Variants in EP400 observed in about 807,000 individuals in gnomAD.
EP400 encodes the protein E1A binding protein p400.
Under a neutral mutation model 354.1 loss-of-function variants are expected in EP400, and 105 were observed. The ratio of observed to expected loss-of-function variants is 0.30; its 90% confidence interval spans 0.25 to 0.35. EP400 has a LOEUF of 0.35. Among genes scored for constraint, EP400 ranks in the 10% least tolerant of loss-of-function variants. The probability of loss-of-function intolerance (pLI) is 1.00; values close to 1 mark genes in which losing one functional copy is unlikely to be tolerated. For missense variants in EP400, 3,280 were observed against 4,121.0 expected, an observed-to-expected ratio of 0.80 and a Z score of 5.59; for synonymous variants, 1,646 against 1,716.9, an observed-to-expected ratio of 0.96 and a Z score of 1.02.
rs1396659393 is a variant in EP400 at position 131,961,501 on chromosome 12, C to T, written c.882C>T (p.Phe294=). ...CGCCGCTGCCCCGGCCCCTGGGCTTCGAGAGGACACCCGGCGTGCTGCTCC... is the reference window on the plus strand; with the variant it reads ...CGCCGCTGCCCCGGCCCCTGGGCTTTGAGAGGACACCCGGCGTGCTGCTCC... The part of the protein sequence containing the change: ...QGPPLPRPLG[F]ERTPGVLLPG... Residue 294 remains phenylalanine, a synonymous_variant, in exon 2 of 53, where the codon TTC becomes TTT. Transcript: ENST00000389561. 1.2e-5 allele frequency: 19 copies of T among 1,579,372 alleles called. No individual in the cohort carries two copies. Among genetic ancestry groups the T allele is most frequent in the East Asian group, 2.3e-5 (1 of 43,204 alleles).
chr12:132,001,907 AATC>A (rs1013501836), intron 12 of EP400, among the ~76,000 whole-genome samples: 2 of 152,256 alleles, frequency 1.3e-5, no homozygotes, highest in African/African-American at 4.8e-5. Context: ...ATTCGTATAT[AATC>A]ATGTCTATGA....
rs1410469416 is a variant in EP400 at position 132,045,747 on chromosome 12, G to C, written c.7047G>C (p.Glu2349Asp). The C allele has an allele frequency of 3.1e-6, 5 of 1,614,250 alleles. No homozygotes were observed. The highest frequency in any genetic ancestry group is 4.2e-6 in the Non-Finnish European group (5 of 1,180,054). Residue 2349 changes from glutamate to aspartate, a missense_variant, in exon 39 of 53, where the codon GAG (glutamate) becomes GAC (aspartate). Glu to Asp is a conservative substitution (Grantham distance 45). Transcript: ENST00000389561. ...ALLQAVKQLL[E>D]LPLNLTIVSP... is the part of the protein sequence containing the mutation. ...TCTAGGCTGTAAAGCAGTTACTGGA[G>C]CTGCCTTTGAACCTCACAATCGTGT...
Position 132,018,114 on chromosome 12 carries a change from G to A in EP400, c.4111-96G>A. The A allele has an allele frequency of 6.7e-7, 1 of 1,501,854 alleles. No individual in the cohort carries two copies. Among genetic ancestry groups the A allele is most frequent in the Non-Finnish European group, 9.1e-7 (1 of 1,104,468 alleles). 93.0% of individuals were successfully genotyped at this position (1,501,854 alleles called of 1,614,324 possible). The stretch of plus-strand genomic sequence containing the variant: ...GCCGTTAGAGGGGGCGCGTCTGGAT[G>A]CCCACGTTAGGGCCCTGCCATAGAA... On this transcript the variant is annotated intron_variant, in intron 20 of 52. Transcript: ENST00000389561. The surrounding 1 kb of genome is among the most constrained non-coding windows in gnomAD (Gnocchi z 4.0).
intron 1 of EP400, 126 bp from the exon 2 acceptor site, chr12:131,960,459 T>G (rs924195907): frequency 1.0e-6 from 1 of 956,078 alleles, no homozygotes; most frequent in Non-Finnish European, 1.5e-6. Context: ...TGAATGTGAG[T>G]CAGCTCTGTC....
rs967387405 is a variant in EP400, at chr12:132,069,677, G to T, written c.9021+36G>T. The T allele has an allele frequency of 2.5e-6, 4 of 1,610,490 alleles. No homozygotes were observed. In the African/African-American group the frequency reaches 5.3e-5, roughly 21 times the overall value. ...AACAGGGTGAGGGCCCGAGTGTCAG[G>T]AGTGGGTGCCCGGCCTTTGGATTGT... On this transcript the variant is annotated intron_variant, in intron 51 of 52. Transcript: ENST00000389561.
In EP400 at chr12:131,990,783, C is replaced by T. The variant is rs529257887; in HGVS notation, c.2629+69C>T. Reference sequence around the variant, plus strand: ...TTGTTCGGATTCTTTTCTCAGCAGGCAGTCTCCTGGCGCTGTGGCTTCCCA... The same window carrying T: ...TTGTTCGGATTCTTTTCTCAGCAGGTAGTCTCCTGGCGCTGTGGCTTCCCA... On this transcript the variant is annotated intron_variant, in intron 9 of 52. Coordinates refer to ENST00000389561, the MANE Select transcript of EP400 (RefSeq NM_015409.5). This position sits in a 1 kb window ranked among gnomAD's most constrained non-coding sequence, Gnocchi z 4.2. The T allele has an allele frequency of 2.9e-5, 35 of 1,199,268 alleles. No individual in the cohort carries two copies. In the East Asian group the frequency reaches 7.5e-4, roughly 26 times the overall value. 74.3% of individuals were successfully genotyped at this position (1,199,268 alleles called of 1,614,324 possible). A position where few individuals can be genotyped will look rare whatever the true frequency, so the allele number is the denominator to read the frequency against.
chr12:132,044,581 A>G (rs1019805813), intron 35 of EP400, 90 bp from the exon 36 acceptor site: 4 of 1,486,844 alleles, frequency 2.7e-6, no homozygotes, highest in Non-Finnish European at 3.7e-6. Flanking sequence ...CTTATTTGAA[A>G]GACTTAATGA....
At chr12:132,032,466 C>T (rs994922687) in intron 30 of EP400, among the ~76,000 whole-genome samples, 3 of 152,190 alleles carry the variant, frequency 2.0e-5, no homozygotes, top group African/African-American at 7.2e-5. Flanking sequence ...TTGCCATCTT[C>T]AGTTTTTACG....
chr12:132,058,462 C>A (rs986276786), intron 45 of EP400, among the ~76,000 whole-genome samples: 1 of 149,342 alleles, frequency 6.7e-6, no homozygotes, highest in Non-Finnish European at 1.5e-5. Context: ...TCAGGTTATT[C>A]TGCCTCAGCC....
rs1393748705 is a variant in EP400 at position 132,067,541 on chromosome 12, G to T, written c.8874+55G>T. 3.4e-5 allele frequency: 54 copies of T among 1,581,458 alleles called. No individual in the cohort carries two copies. The highest frequency in any genetic ancestry group is 4.5e-5 in the Non-Finnish European group (52 of 1,167,124). On this transcript the variant is annotated intron_variant, in intron 50 of 52. Coordinates refer to ENST00000389561, the MANE Select transcript of EP400 (RefSeq NM_015409.5). This position sits in a 1 kb window ranked among gnomAD's most constrained non-coding sequence, Gnocchi z 5.3. ...GGTCTATGCCAAGCCAAAGCTGGCT[G>T]CTGGAGGAGAGGGTCCTAAGCAGAC...
At chr12:132,046,157 C>A (rs1593371319) in intron 39 of EP400, among the ~76,000 whole-genome samples, 1 of 152,218 alleles carries the variant, frequency 6.6e-6, no homozygotes, top group South Asian at 2.1e-4. Context: ...TGGCAGCAGG[C>A]CTCGTACCTG....
At chr12:131,954,291 A>T (rs1387357147) in intron 1 of EP400, among the ~76,000 whole-genome samples, 2 of 151,878 alleles carry the variant, frequency 1.3e-5, no homozygotes, top group African/African-American at 2.4e-5. Flanking sequence ...GAGTTGAATT[A>T]AAATTAGGGG....
chr12:132,016,844 G>A (rs1893955751), intron 19 of EP400, among the ~76,000 whole-genome samples: 1 of 152,128 alleles, frequency 6.6e-6, no homozygotes, highest in South Asian at 2.1e-4. Flanking sequence ...CGACCAAGTT[G>A]TTTGAGTTGG....
intron 2 of EP400, among the ~76,000 whole-genome samples, chr12:131,970,108 T>C (rs1377121525): frequency 6.6e-6 from 1 of 152,102 alleles, no homozygotes; most frequent in Non-Finnish European, 1.5e-5. Flanking sequence ...ATCAGAAAAT[T>C]TGTTAGTGGG....
intron 15 of EP400, among the ~76,000 whole-genome samples, chr12:132,009,624 A>C (rs1425658439): frequency 6.6e-6 from 1 of 152,176 alleles, no homozygotes; most frequent in Non-Finnish European, 1.5e-5. Flanking sequence ...ATAGAGGCCT[A>C]TCAGGCCCTG....
rs1894986975 is a variant in EP400, at chr12:132,043,631, T to C, written c.6367-14T>C. ...TGCTATTAACCCTATTCAAAAAATA[T>C]ACTTTTGGAACAGCTTACACCAATT... On this transcript the variant is annotated splice_polypyrimidine_tract_variant and intron_variant, in intron 33 of 52. Transcript: ENST00000389561. The C allele has an allele frequency of 1.3e-6, 2 of 1,599,622 alleles. No individual in the cohort carries two copies. Among genetic ancestry groups the C allele is most frequent in the Non-Finnish European group, 1.7e-6 (2 of 1,175,538 alleles).
chr12:132,048,586 G>A (rs985153028), intron 39 of EP400, among the ~76,000 whole-genome samples: 4 of 149,136 alleles, frequency 2.7e-5, no homozygotes, highest in African/African-American at 2.5e-5. Context: ...GCAGTGGCAC[G>A]ATCTCGGCTC....
chr12:132,054,164 C>G lies in EP400; in HGVS notation c.7728+567C>G, dbSNP rs1351688748. Among the ~76,000 whole-genome samples the G allele has an allele frequency of 6.6e-6, 1 of 152,222 alleles. No individual in the cohort carries two copies. Among genetic ancestry groups the G allele is most frequent in the Non-Finnish European group, 1.5e-5 (1 of 68,054 alleles). ...TGTGCGTCCGTGTGCCACACAGACGCTGAAATCATATGCGCAGAATCACAC... is the reference window on the plus strand; with the variant it reads ...TGTGCGTCCGTGTGCCACACAGACGGTGAAATCATATGCGCAGAATCACAC... On this transcript the variant is annotated intron_variant, in intron 43 of 52. Coordinates refer to ENST00000389561, the MANE Select transcript of EP400 (RefSeq NM_015409.5). The surrounding 1 kb of genome is among the most constrained non-coding windows in gnomAD (Gnocchi z 4.0).
intron 45 of EP400, among the ~76,000 whole-genome samples, chr12:132,056,012 C>T (rs952650563): frequency 8.6e-5 from 13 of 151,814 alleles, no homozygotes; most frequent in South Asian, 2.1e-4. Context: ...GCAGTTTCTA[C>T]GGAACGTGGA....
Sources: gnomAD v4.1 joint callset for allele counts (sites outside exome capture counted in the v4.1 genomes callset) on GRCh38, gnomAD v4.1.1 for gene constraint, Gnocchi (gnomAD v3.1) non-coding constraint, MANE v1.5 for transcripts, NCBI Gene and HGNC (gene_info 2026-07-23, HGNC 2026-07-21) for gene names.